NUP133: variants seen among roughly 807,000 people sequenced by gnomAD.
NUP133 encodes nucleoporin 133.
NUP133 carries 66 observed loss-of-function variants against 146.2 expected under a neutral mutation model. The observed-to-expected ratio is 0.45, with a 90% confidence interval of 0.37 to 0.55. The LOEUF (loss-of-function observed/expected upper bound fraction) is 0.55. Among genes scored for constraint, NUP133 ranks in the 20% least tolerant of loss-of-function variants. The pLI is 0.00. For synonymous variants in NUP133, 521 were observed against 498.8 expected (o/e 1.04, Z -0.59); for missense variants, 1,277 against 1,374.8 (o/e 0.93, Z 1.12).
intron 8 of NUP133, among the ~76,000 whole-genome samples, chr1:229,490,961 A>G (rs1661498891): frequency 6.6e-6 from 1 of 151,280 alleles, no homozygotes; most frequent in Admixed American, 6.6e-5. Context: ...AAAAAAAAAA[A>G]GAAAAAAAAA....
In NUP133 at chr1:229,483,904, C is replaced by T. The variant is rs147756537; in HGVS notation, c.1592+150G>A. On this transcript the variant is annotated intron_variant, in intron 12 of 25. Coordinates refer to ENST00000261396, the MANE Select transcript of NUP133 (RefSeq NM_018230.3). ...CCCATGGCTACTAAGTTCAGAAGAA[C>T]AGTTTATTAAAGTGCTAAAGCTCAA... 9.0e-3 allele frequency: 5,158 copies of T among 572,252 alleles called. 34 individuals are homozygous for T. The highest frequency in any genetic ancestry group is 0.012 in the Non-Finnish European group (4,009 of 326,358). 35.4% of individuals were successfully genotyped at this position (572,252 alleles called of 1,614,324 possible).
chr1:229,453,549 A>G (rs1660502194), intron 21 of NUP133, among the ~76,000 whole-genome samples: 1 of 152,240 alleles, frequency 6.6e-6, no homozygotes, highest in Non-Finnish European at 1.5e-5. Flanking sequence ...TGCAATAGGC[A>G]ATTTACTGGG....
chr1:229,490,398 T>C (rs1661478204), intron 8 of NUP133, among the ~76,000 whole-genome samples: 1 of 139,816 alleles, frequency 7.2e-6, no homozygotes, highest in Non-Finnish European at 1.5e-5. Context: ...CACTATTCAG[T>C]AGTAAAAAAA....
At position 229,458,184 on chromosome 1, in the gene NUP133, T is replaced by A. The variant is rs1203224152; in HGVS notation, c.2957A>T (p.Asp986Val). Residue 986 changes from aspartate (D) to valine (V), a missense_variant, in exon 21 of 26, where the codon GAT becomes GTT. Asp to Val is a radical substitution (Grantham distance 152). Coordinates refer to ENST00000261396, the MANE Select transcript of NUP133 (RefSeq NM_018230.3). The part of the protein sequence containing the change: ...LAALASDFSE[D>V]MLQEKIEEMA... ...ACCTTCAATTTTTTCTTGTAGCATA[T>A]CCTCTGAAAAGTCTGAAGCTAATGC... The A allele has an allele frequency of 6.2e-7, 1 of 1,612,730 alleles. No individual in the cohort carries two copies.
rs148976092 is a variant in NUP133 at position 229,441,668 on chromosome 1, G to A, written c.*236C>T. The A allele has an allele frequency of 5.0e-4, 204 of 404,612 alleles. 1 individual carries two copies. The highest frequency in any genetic ancestry group is 3.9e-3 in the African/African-American group (188 of 48,818). 25.1% of individuals were successfully genotyped at this position (404,612 alleles called of 1,614,324 possible). A position where few individuals can be genotyped will look rare whatever the true frequency, so the allele number is the denominator to read the frequency against. On this transcript the variant is annotated 3_prime_UTR_variant, in exon 26 of 26. Coordinates refer to ENST00000261396, the MANE Select transcript of NUP133 (RefSeq NM_018230.3). The stretch of plus-strand genomic sequence containing the variant: ...GGACCACGTGAGAGTAAAAAGAAAG[G>A]GCACCGAGTACAGGAACAACAACTG...
intron 12 of NUP133, among the ~76,000 whole-genome samples, chr1:229,482,877 G>A (rs947447506): frequency 6.6e-6 from 1 of 152,204 alleles, no homozygotes; most frequent in African/African-American, 2.4e-5. Context: ...GACATCACAG[G>A]AATAGAGAGC....
At chr1:229,443,545 C>T (rs1325084603) in intron 25 of NUP133, among the ~76,000 whole-genome samples, 2 of 152,014 alleles carry the variant, frequency 1.3e-5, no homozygotes, top group Admixed American at 1.3e-4. Flanking sequence ...CTGTCAATGC[C>T]TATGAAATAT....
intron 8 of NUP133, among the ~76,000 whole-genome samples, chr1:229,492,253 T>C (rs1482379262): frequency 6.6e-6 from 1 of 151,898 alleles, no homozygotes; most frequent in African/African-American, 2.4e-5. Flanking sequence ...ATTACAGGCA[T>C]GCGCCACCAC....
intron 14 of NUP133, among the ~76,000 whole-genome samples, chr1:229,471,653 A>G (rs1353206051): frequency 6.6e-6 from 1 of 152,162 alleles, no homozygotes; most frequent in Non-Finnish European, 1.5e-5. Flanking sequence ...TGACATTACA[A>G]TAACCTGAAC....
chr1:229,448,946 CTAAAT>C (rs1660377879), intron 24 of NUP133, 175 bp downstream of exon 24: 1 of 612,714 alleles, frequency 1.6e-6, no homozygotes, highest in South Asian at 1.9e-5. Context: ...CAGGACTGAA[CTAAAT>C]TAAAGGACAT....
intron 13 of NUP133, among the ~76,000 whole-genome samples, chr1:229,476,542 T>G (rs147280744): frequency 1.3e-5 from 2 of 152,326 alleles, no homozygotes; most frequent in African/African-American, 4.8e-5. Flanking sequence ...CACTTCTACA[T>G]ATTGACATTT....
Position 229,466,774 on chromosome 1 carries a change from A to G in NUP133, c.2077-18T>C. ...TGGGATACCTGAGAGAATACACAGA[A>G]GTAAACTACTTACAACAAAAATTAT... On this transcript the variant is annotated intron_variant, in intron 15 of 25. Coordinates refer to ENST00000261396, the MANE Select transcript of NUP133 (RefSeq NM_018230.3). 6.2e-7 allele frequency: 1 copy of G among 1,613,326 alleles called. No homozygotes were observed. Among genetic ancestry groups the G allele is most frequent in the Non-Finnish European group, 8.5e-7 (1 of 1,179,592 alleles).
intron 21 of NUP133, among the ~76,000 whole-genome samples, chr1:229,452,975 G>C (rs1457264043): frequency 6.8e-6 from 1 of 146,814 alleles, no homozygotes; most frequent in Non-Finnish European, 1.5e-5. Flanking sequence ...CCTAAGTGTG[G>C]AGATCTCTCC....
At chr1:229,491,753 G>A (rs948294768) in intron 8 of NUP133, among the ~76,000 whole-genome samples, 3 of 152,158 alleles carry the variant, frequency 2.0e-5, no homozygotes, top group East Asian at 1.9e-4. Flanking sequence ...ACTCCAGCCC[G>A]GGCAACAGTG....
At chr1:229,449,564 T>G (rs1660395867) in intron 23 of NUP133, among the ~76,000 whole-genome samples, 1 of 151,422 alleles carries the variant, frequency 6.6e-6, no homozygotes, top group Non-Finnish European at 1.5e-5. Flanking sequence ...AGAGACAGGG[T>G]TTCAGCATGT....
chr1:229,484,369 G>GT (rs1445274873), intron 11 of NUP133, among the ~76,000 whole-genome samples: 1 of 151,044 alleles, frequency 6.6e-6, no homozygotes, highest in African/African-American at 2.4e-5. Context: ...TAGCTGATGA[G>GT]TTAAAAAAAA....
chr1:229,461,431 C>T (rs1660687532), intron 19 of NUP133, among the ~76,000 whole-genome samples: 1 of 152,214 alleles, frequency 6.6e-6, no homozygotes, highest in Non-Finnish European at 1.5e-5. Flanking sequence ...TGAAAGACTT[C>T]TGACACCAGA....
chr1:229,471,758 C>T (rs995086196), intron 14 of NUP133, among the ~76,000 whole-genome samples: 4 of 151,888 alleles, frequency 2.6e-5, no homozygotes, highest in Admixed American at 2.6e-4. Flanking sequence ...ATTTTCTTAT[C>T]CTTCATTTTC....
intron 24 of NUP133, 100 bp downstream of exon 24, chr1:229,449,026 G>A (rs183215394): frequency 2.5e-5 from 22 of 893,332 alleles, no homozygotes; most frequent in East Asian, 2.0e-4. Context: ...ATCCCAACAC[G>A]TCTGGTCACA....
Sources: allele counts gnomAD v4.1 joint callset (sites outside exome capture counted in the v4.1 genomes callset), GRCh38; gene constraint gnomAD v4.1.1; transcripts MANE v1.5; gene names NCBI Gene and HGNC (gene_info 2026-07-23, HGNC 2026-07-21).